Variants in USP30 observed in about 807,000 individuals in gnomAD.
The protein encoded by USP30 is ubiquitin carboxyl-terminal hydrolase 30.
A neutral mutation model predicts 68.2 loss-of-function variants in USP30; 41 were observed. The observed-to-expected ratio is 0.60, with a 90% CI of 0.47 to 0.78. The LOEUF is 0.78. Among genes scored for constraint, USP30 ranks in the 30% least tolerant of loss-of-function variants. The probability of loss-of-function intolerance (pLI) is 0.00; values close to 1 mark genes in which losing one functional copy is unlikely to be tolerated. For missense variants in USP30, 522 were observed against 649.4 expected, an observed-to-expected ratio of 0.80 and a Z score of 2.13; for synonymous variants, 229 against 253.7, an observed-to-expected ratio of 0.90 and a Z score of 0.93.
chr12:109,034,733 C>A (rs2040507010), intron 3 of USP30, among the ~76,000 whole-genome samples: 1 of 152,094 alleles, frequency 6.6e-6, no homozygotes, highest in Non-Finnish European at 1.5e-5. Flanking sequence ...AGTCTCCAAC[C>A]ATTACTGTTA....
intron 3 of USP30, among the ~76,000 whole-genome samples, chr12:109,066,692 A>T (rs946906990): frequency 2.6e-5 from 4 of 152,310 alleles, no homozygotes; most frequent in African/African-American, 7.2e-5. Flanking sequence ...TTCAAAAAAA[A>T]AGAAAAGTAC....
chr12:109,077,940 C>A (rs1181381901), intron 7 of USP30, among the ~76,000 whole-genome samples: 3 of 152,018 alleles, frequency 2.0e-5, no homozygotes, highest in Admixed American at 1.3e-4. Flanking sequence ...AAGTATAGTT[C>A]TGTTACCCCA....
intron 7 of USP30, among the ~76,000 whole-genome samples, chr12:109,075,006 G>A (rs1483934039): frequency 6.6e-6 from 1 of 152,180 alleles, no homozygotes; most frequent in African/African-American, 2.4e-5. Context: ...CATAGCAGAT[G>A]TCCTCCAGGT....
intron 3 of USP30, among the ~76,000 whole-genome samples, chr12:109,046,852 A>G (rs1463496062): frequency 6.6e-6 from 1 of 152,104 alleles, no homozygotes; most frequent in African/African-American, 2.4e-5. Flanking sequence ...GTGCGCCATC[A>G]TGCCCAGCTA....
At chr12:109,025,628 A>T (rs1028824988) in intron 2 of USP30, among the ~76,000 whole-genome samples, 8 of 152,170 alleles carry the variant, frequency 5.3e-5, no homozygotes, top group Non-Finnish European at 8.8e-5. Flanking sequence ...TTGCCTGTAG[A>T]TACTAAAAGA....
Position 109,060,442 on chromosome 12 carries a change from A to G in USP30, c.376+2334A>G, listed in dbSNP as rs1396632681. On this transcript the variant is annotated intron_variant, in intron 3 of 12. Coordinates refer to ENST00000257548, the MANE Select transcript of USP30 (RefSeq NM_032663.5). ...TTCCCATGTGAGCTCTGCTTGACAC[A>G]GAAATCTTTATGAAGCAAGTGTACT... Among the ~76,000 whole-genome samples, 11 of 152,294 alleles carry G rather than the reference A, an allele frequency of 7.2e-5. No individual in the cohort carries two copies. The East Asian group carries it at 1.7e-3, about 24-fold the overall frequency.
At chr12:109,058,567 C>T (rs1284043564) in intron 3 of USP30, among the ~76,000 whole-genome samples, 2 of 86,226 alleles carry the variant, frequency 2.3e-5, no homozygotes, top group African/African-American at 8.5e-5. Context: ...AGCGAAACTC[C>T]GTCTCAAAAA....
At position 109,084,229 on chromosome 12, in the gene USP30, AAC is replaced by A. The variant is rs549474957; in HGVS notation, c.1169-716_1169-715del. On this transcript the variant is annotated intron_variant, in intron 11 of 12. Transcript: ENST00000257548. Reference sequence around the variant, plus strand: ...GGCAACAGAGCAAGATCCTGTCTAAAACACACACAAAAAATGTCATCAGGAAA... The same window carrying A: ...GGCAACAGAGCAAGATCCTGTCTAAAACACACAAAAAATGTCATCAGGAAA... Among the ~76,000 whole-genome samples the A allele has an allele frequency of 3.5e-3, 528 of 152,314 alleles. 3 individuals are homozygous for A. The highest frequency in any genetic ancestry group is 0.012 in the African/African-American group (498 of 41,570).
At chr12:109,080,245 G>T (rs979617671) in intron 7 of USP30, among the ~76,000 whole-genome samples, 16 of 152,024 alleles carry the variant, frequency 1.1e-4, no homozygotes, top group Non-Finnish European at 2.2e-4. Flanking sequence ...CCTGATTCTT[G>T]AACTCTGTCG....
chr12:109,085,047 C>G lies in USP30; in HGVS notation c.1263C>G (p.Phe421Leu). Residue 421 changes from phenylalanine (F) to leucine (L), a missense_variant, in exon 12 of 13, where the codon TTC (phenylalanine) becomes TTG (leucine). Phe to Leu is a conservative substitution (Grantham distance 22). Coordinates refer to ENST00000257548, the MANE Select transcript of USP30 (RefSeq NM_032663.5). ...LLPTLSAPMP[F>L]PLPVVPDYSS... ...CAACGCTGTCAGCGCCGATGCCCTT[C>G]CCTCTCCCAGTTGTTCCCGACTACA... The G allele has an allele frequency of 6.3e-7, 1 of 1,599,108 alleles. No individual in the cohort carries two copies. The highest frequency in any genetic ancestry group is 8.5e-7 in the Non-Finnish European group (1 of 1,171,248).
At chr12:109,042,736 G>A (rs1464116913) in intron 3 of USP30, among the ~76,000 whole-genome samples, 2 of 152,122 alleles carry the variant, frequency 1.3e-5, no homozygotes, top group African/African-American at 4.8e-5. Flanking sequence ...ACGTAGTACT[G>A]GAAGTTCTAG....
intron 3 of USP30, among the ~76,000 whole-genome samples, chr12:109,030,517 C>A (rs537371401): frequency 6.6e-6 from 1 of 152,258 alleles, no homozygotes; most frequent in African/African-American, 2.4e-5. Context: ...GGAGATCTAA[C>A]GTACAGCATG....
At chr12:109,081,604 TACACACGCACGCATGCGCGCACAC>T in intron 8 of USP30, 1 of 599,024 alleles carries the variant, frequency 1.7e-6, no homozygotes, top group Non-Finnish European at 2.9e-6. Flanking sequence ...GCTTTTTGAA[TACACACGCACGCATGCGCGCACAC>T]ACACACACAC....
chr12:109,026,356 T>C (rs2040445181), intron 2 of USP30, among the ~76,000 whole-genome samples: 1 of 151,588 alleles, frequency 6.6e-6, no homozygotes. Context: ...GATACAGTTG[T>C]GAGCCACCAG....
intron 1 of USP30, 152 bp downstream of exon 1, chr12:109,052,913 C>A: frequency 2.7e-6 from 2 of 741,992 alleles, no homozygotes; most frequent in Non-Finnish European, 3.9e-6. Context: ...GAGGCCTGGG[C>A]CCGTAGGTGG....
At chr12:109,050,564 G>A (rs946723252), upstream of USP30, among the ~76,000 whole-genome samples, 10 of 152,082 alleles carry the variant, frequency 6.6e-5, no homozygotes, top group African/African-American at 1.2e-4. Context: ...GTCTGGAGTC[G>A]GAGAAAGCGA....
rs1221711848 is a variant in USP30, at chr12:109,085,760, T to G, written c.1383T>G (p.Pro461=). Residue 461 remains proline (P), a synonymous_variant, in exon 13 of 13, where the codon CCT becomes CCG. Transcript: ENST00000257548. ...TTGTCACTTACCGACGGTCCCCACC[T>G]TCTGCCAGGAACCCTCTCTCAACTA... ...GHFVTYRRSP[P]SARNPLSTSN... is the part of the protein sequence containing the mutation. 6.2e-7 allele frequency: 1 copy of G among 1,614,118 alleles called. No homozygotes were observed. Among genetic ancestry groups the G allele is most frequent in the African/African-American group, 1.3e-5 (1 of 74,946 alleles).
At chr12:109,033,677 C>T (rs1250684575) in intron 3 of USP30, among the ~76,000 whole-genome samples, 1 of 152,166 alleles carries the variant, frequency 6.6e-6, no homozygotes, top group African/African-American at 2.4e-5. Context: ...AGTCTGCTAG[C>T]CATGCTGATG....
Position 109,082,840 on chromosome 12 carries a change from C to T in USP30, c.949-3C>T, listed in dbSNP as rs377463507. On this transcript the variant is annotated splice_polypyrimidine_tract_variant and splice_region_variant and intron_variant, in intron 10 of 12. Transcript: ENST00000257548. Reference sequence around the variant, plus strand: ...GTTCTCCCGATTTCTCTTCCACCCGCAGCTCCCTCAGTGTCTCTGCATCCA... The same window carrying T: ...GTTCTCCCGATTTCTCTTCCACCCGTAGCTCCCTCAGTGTCTCTGCATCCA... 1.9e-6 allele frequency: 3 copies of T among 1,612,558 alleles called. No homozygotes were observed. In the African/African-American group the frequency reaches 4.0e-5, roughly 22 times the overall value.
Sources: allele counts gnomAD v4.1 joint callset (sites outside exome capture counted in the v4.1 genomes callset), GRCh38; gene constraint gnomAD v4.1.1; transcripts MANE v1.5; gene names NCBI Gene and HGNC (gene_info 2026-07-23, HGNC 2026-07-21).